The following RNF220 variants were observed in gnomAD, a reference collection of about 807,000 sequenced individuals.
RNF220 encodes ring finger protein 220, also known as E3 ubiquitin-protein ligase RNF220.
In RNF220, 7 loss-of-function variants were observed where a neutral mutation model predicts 67.1. The ratio of observed to expected loss-of-function variants is 0.10; its 90% confidence interval spans 0.06 to 0.20. RNF220 has a LOEUF of 0.20. Among genes scored for constraint, RNF220 ranks in the 10% least tolerant of loss-of-function variants. RNF220 has a pLI of 1.00. For missense variants in RNF220, 565 were observed against 740.3 expected, an observed-to-expected ratio of 0.76 and a Z score of 2.75; for synonymous variants, 270 against 283.2, an observed-to-expected ratio of 0.95 and a Z score of 0.47.
intron 2 of RNF220, among the ~76,000 whole-genome samples, chr1:44,516,463 T>C (rs1659458808): frequency 6.6e-6 from 1 of 152,174 alleles, no homozygotes; most frequent in South Asian, 2.1e-4. Flanking sequence ...CATGGCATGA[T>C]AGTTGGATGC....
At chr1:44,471,627 C>T (rs1315253107) in intron 2 of RNF220, among the ~76,000 whole-genome samples, 1 of 152,102 alleles carries the variant, frequency 6.6e-6, no homozygotes, top group Non-Finnish European at 1.5e-5. Flanking sequence ...AATTCGAGAC[C>T]AGCCTGGCTA....
chr1:44,462,573 A>G (rs539291407), intron 2 of RNF220, among the ~76,000 whole-genome samples: 1 of 152,346 alleles, frequency 6.6e-6, no homozygotes, highest in South Asian at 2.1e-4. Context: ...AGTACTAGTA[A>G]GGGGTTTTGA....
intron 3 of RNF220, among the ~76,000 whole-genome samples, chr1:44,616,419 A>G (rs1018175210): frequency 8.5e-5 from 13 of 152,232 alleles, no homozygotes; most frequent in African/African-American, 2.2e-4. Context: ...AATCTTCACA[A>G]CAACCCTCTG....
At chr1:44,593,942 G>A (rs967718166) in intron 2 of RNF220, among the ~76,000 whole-genome samples, 7 of 151,826 alleles carry the variant, frequency 4.6e-5, no homozygotes, top group Non-Finnish European at 5.9e-5. Flanking sequence ...AAAATTAGCC[G>A]GGCATGGTGG....
intron 3 of RNF220, among the ~76,000 whole-genome samples, chr1:44,620,445 G>T (rs754853563): frequency 2.0e-5 from 3 of 152,144 alleles, no homozygotes; most frequent in Non-Finnish European, 4.4e-5. Context: ...CCTCATTTCC[G>T]TACCAGAAAT....
chr1:44,467,385 A>G (rs914370860), intron 2 of RNF220, among the ~76,000 whole-genome samples: 3 of 152,042 alleles, frequency 2.0e-5, no homozygotes, highest in Non-Finnish European at 2.9e-5. Flanking sequence ...CTAATTTTGT[A>G]TTTTTAGTAG....
Position 44,565,613 on chromosome 1 carries a change from C to G in RNF220, c.626-48552C>G, listed in dbSNP as rs192486724. 1.3e-5 allele frequency among the ~76,000 whole-genome samples: 2 copies of G among 152,174 alleles called. No homozygotes were observed. Among genetic ancestry groups the G allele is most frequent in the African/African-American group, 2.4e-5 (1 of 41,442 alleles). Reference sequence around the variant, plus strand: ...GGTTGCATGGAGGGCAAGCATGCCCCGCAGCTGGGGAGGGTGGGGGTCATG... The same window carrying G: ...GGTTGCATGGAGGGCAAGCATGCCCGGCAGCTGGGGAGGGTGGGGGTCATG... On this transcript the variant is annotated intron_variant, in intron 2 of 14. Transcript: ENST00000361799. This position sits in a 1 kb window ranked among gnomAD's most constrained non-coding sequence, Gnocchi z 4.2.
intron 2 of RNF220, among the ~76,000 whole-genome samples, chr1:44,524,165 G>T (rs962320087): frequency 7.9e-5 from 12 of 152,078 alleles, no homozygotes; most frequent in Non-Finnish European, 1.5e-5. Flanking sequence ...CTCAGCAAGG[G>T]CTCGTAAAGC....
chr1:44,415,496 G>A (rs1408698217), intron 2 of RNF220, among the ~76,000 whole-genome samples: 2 of 82,186 alleles, frequency 2.4e-5, no homozygotes, highest in African/African-American at 8.4e-5. Flanking sequence ...AACCATATAT[G>A]GTTGATATAC....
chr1:44,613,238 T>C (rs1314964), intron 2 of RNF220, among the ~76,000 whole-genome samples: 10 of 147,434 alleles, frequency 6.8e-5, no homozygotes, highest in Middle Eastern at 3.5e-3. Flanking sequence ...ATAGGGCTCC[T>C]CAACCCCACT....
In RNF220 at chr1:44,624,520, A is replaced by G. The variant is rs1643886293; in HGVS notation, c.804+1733A>G. On this transcript the variant is annotated intron_variant, in intron 4 of 14. Coordinates refer to ENST00000361799, the MANE Select transcript of RNF220 (RefSeq NM_018150.4). The surrounding 1 kb of genome is among the most constrained non-coding windows in gnomAD (Gnocchi z 4.2). ...ACCATGAGACACAGAGATAAGGGAC[A>G]CTTGCTCACCCACTTCCAGATATAT... Among the ~76,000 whole-genome samples, 1 of 152,230 alleles carries G rather than the reference A, an allele frequency of 6.6e-6. No homozygotes were observed. Among genetic ancestry groups the G allele is most frequent in the South Asian group, 2.1e-4 (1 of 4,834 alleles).
intron 2 of RNF220, among the ~76,000 whole-genome samples, chr1:44,427,951 C>T (rs1251167980): frequency 6.6e-6 from 1 of 152,182 alleles, no homozygotes; most frequent in Non-Finnish European, 1.5e-5. Flanking sequence ...GGGACAGTGA[C>T]TCCAGCAAGC....
At position 44,650,943 on chromosome 1, in the gene RNF220, G is replaced by T. The variant is rs1042642980; in HGVS notation, c.*168G>T. 11 of 650,924 alleles carry T rather than the reference G, an allele frequency of 1.7e-5. 1 individual carries two copies. The highest frequency in any genetic ancestry group is 8.9e-5 in the African/African-American group (5 of 56,114). 40.3% of individuals were successfully genotyped at this position (650,924 alleles called of 1,614,324 possible). The stretch of plus-strand genomic sequence containing the variant: ...ACACATTTACACACGCAGGACTCTG[G>T]AGCCAGAGTAGAGGCTGTGGCCCAG... On this transcript the variant is annotated 3_prime_UTR_variant, in exon 15 of 15. Coordinates refer to ENST00000361799, the MANE Select transcript of RNF220 (RefSeq NM_018150.4). This position sits in a 1 kb window ranked among gnomAD's most constrained non-coding sequence, Gnocchi z 4.3.
chr1:44,456,935 CTT>C (rs1360056181), intron 2 of RNF220, among the ~76,000 whole-genome samples: 1 of 152,098 alleles, frequency 6.6e-6, no homozygotes, highest in African/African-American at 2.4e-5. Context: ...GCCTCAGTGT[CTT>C]AGCACCCGCT....
chr1:44,633,422 TC>T (rs893600422), intron 6 of RNF220, among the ~76,000 whole-genome samples: 1 of 152,190 alleles, frequency 6.6e-6, no homozygotes, highest in Non-Finnish European at 1.5e-5. Flanking sequence ...CTTTGATTCT[TC>T]CTACTCGTAC....
At chr1:44,514,430 G>T (rs1371357913) in intron 2 of RNF220, among the ~76,000 whole-genome samples, 2 of 152,144 alleles carry the variant, frequency 1.3e-5, no homozygotes, top group East Asian at 1.9e-4. Context: ...AAGACTTCAG[G>T]GGTTGCAGTG....
intron 2 of RNF220, among the ~76,000 whole-genome samples, chr1:44,446,376 T>G (rs1652084547): frequency 6.6e-6 from 1 of 152,218 alleles, no homozygotes. Context: ...AGTTTTGCAG[T>G]GAACTGTAAT....
chr1:44,471,963 A>G (rs1654851665), intron 2 of RNF220, among the ~76,000 whole-genome samples: 1 of 152,250 alleles, frequency 6.6e-6, no homozygotes, highest in African/African-American at 2.4e-5. Context: ...AAATAAAATC[A>G]TAAAACCTGT....
intron 2 of RNF220, among the ~76,000 whole-genome samples, chr1:44,613,318 C>T (rs979154454): frequency 3.5e-4 from 49 of 141,262 alleles, no homozygotes; most frequent in African/African-American, 1.3e-3. Flanking sequence ...GGCTCCCCAA[C>T]CCCACACCTG....
Sources: allele counts gnomAD v4.1 joint callset (sites outside exome capture counted in the v4.1 genomes callset), GRCh38; gene constraint gnomAD v4.1.1; non-coding constraint Gnocchi (gnomAD v3.1); transcripts MANE v1.5; gene names NCBI Gene and HGNC (gene_info 2026-07-23, HGNC 2026-07-21).